Variants in SENP1 observed in about 807,000 individuals in gnomAD.
SENP1 encodes the protein sentrin-specific protease 1.
Under a neutral mutation model 93.0 loss-of-function variants are expected in SENP1, and 21 were observed. The observed-to-expected ratio is 0.23, with a 90% confidence interval of 0.16 to 0.33. The LOEUF is 0.33. Ranked by LOEUF, SENP1 falls within the 10% of genes least tolerant of loss-of-function variation. The pLI is 1.00. For missense variants in SENP1, 591 were observed against 758.7 expected (o/e 0.78, Z 2.60); for synonymous variants, 256 against 259.6 (o/e 0.99, Z 0.13).
intron 13 of SENP1, among the ~76,000 whole-genome samples, chr12:48,054,332 G>C (rs1401376937): frequency 6.6e-6 from 1 of 152,154 alleles, no homozygotes; most frequent in Non-Finnish European, 1.5e-5. Flanking sequence ...AAGCCTTCTT[G>C]ATGAACTGAC....
At position 48,046,301 on chromosome 12, in the gene SENP1, A is replaced by G. The variant is rs758597868; in HGVS notation, c.1872+55T>C. 3.1e-5 allele frequency: 37 copies of G among 1,204,978 alleles called. No homozygotes were observed. The Admixed American group carries it at 3.4e-4, about 11-fold the overall frequency. 74.6% of individuals were successfully genotyped at this position (1,204,978 alleles called of 1,614,324 possible). A position where few individuals can be genotyped will look rare whatever the true frequency, so the allele number is the denominator to read the frequency against. ...AACAACTGGAGAGAAAAACATCTAC[A>G]GGGCAGCTTGGAGACAAAGTAATCC... On this transcript the variant is annotated intron_variant, in intron 17 of 17. Coordinates refer to ENST00000549518, the MANE Select transcript of SENP1 (RefSeq NM_001267594.2).
intron 13 of SENP1, among the ~76,000 whole-genome samples, chr12:48,056,282 T>C (rs28971727): frequency 1.7e-5 from 2 of 117,834 alleles, no homozygotes; most frequent in South Asian, 2.7e-4. Flanking sequence ...TATTATATAT[T>C]ACATATATAA....
chr12:48,058,372 A>G (rs1942730006), intron 13 of SENP1, among the ~76,000 whole-genome samples: 1 of 152,096 alleles, frequency 6.6e-6, no homozygotes, highest in South Asian at 2.1e-4. Flanking sequence ...TAAATCTACC[A>G]TCTTGCTCTT....
chr12:48,078,332 T>TATATATAC (rs1454107759), intron 6 of SENP1, among the ~76,000 whole-genome samples: 3 of 83,862 alleles, frequency 3.6e-5, no homozygotes, highest in African/African-American at 1.2e-4. Context: ...TATATATATA[T>TATATATAC]ATACACACAC....
At chr12:48,087,318 G>C (rs1012885054) in intron 5 of SENP1, among the ~76,000 whole-genome samples, 1 of 152,160 alleles carries the variant, frequency 6.6e-6, no homozygotes, top group Admixed American at 6.5e-5. Flanking sequence ...TGGTGGCAAT[G>C]TGATGTTTTT....
At chr12:48,061,313 T>C (rs1942948363) in intron 13 of SENP1, among the ~76,000 whole-genome samples, 3 of 152,208 alleles carry the variant, frequency 2.0e-5, no homozygotes, top group Admixed American at 2.0e-4. Flanking sequence ...GAAATTATTA[T>C]TAATGAAAAT....
chr12:48,048,127 C>A, intron 14 of SENP1, 47 bp from the exon 15 acceptor site: 1 of 1,327,056 alleles, frequency 7.5e-7, no homozygotes. Context: ...TGAAGAAAAT[C>A]GGTTTATCAG....
intron 9 of SENP1, among the ~76,000 whole-genome samples, chr12:48,070,585 C>A (rs1230360297): frequency 6.6e-6 from 1 of 152,168 alleles, no homozygotes; most frequent in African/African-American, 2.4e-5. Flanking sequence ...GTACCTGGCA[C>A]ACAGTAGGCT....
At chr12:48,097,814 T>C (rs1255883599) in intron 3 of SENP1, 180 bp downstream of exon 3, 1 of 533,610 alleles carries the variant, frequency 1.9e-6, no homozygotes, top group Non-Finnish European at 3.2e-6. Context: ...GCCTATTTTG[T>C]CTTAACGTCC....
At chr12:48,096,496 C>T (rs926868376) in intron 3 of SENP1, 69 bp from the exon 4 acceptor site, 110 of 965,162 alleles carry the variant, frequency 1.1e-4, no homozygotes, top group Non-Finnish European at 1.7e-4. Context: ...ACTCTTGTTG[C>T]CCAGGCTGGA....
chr12:48,063,009 A>G (rs1238668983), intron 13 of SENP1, among the ~76,000 whole-genome samples: 1 of 152,236 alleles, frequency 6.6e-6, no homozygotes, highest in Admixed American at 6.5e-5. Context: ...GAAGGTACTT[A>G]GGAAAAGATA....
intron 3 of SENP1, among the ~76,000 whole-genome samples, chr12:48,096,932 C>T (rs1040937564): frequency 1.3e-5 from 2 of 151,800 alleles, no homozygotes; most frequent in African/African-American, 4.8e-5. Flanking sequence ...ATGGAGAGAC[C>T]CCGTCTCTAA....
chr12:48,075,866 T>C (rs1048303434), intron 6 of SENP1, among the ~76,000 whole-genome samples: 1 of 152,124 alleles, frequency 6.6e-6, no homozygotes, highest in Non-Finnish European at 1.5e-5. Context: ...AAAAGTGATA[T>C]TTCAGCAGAA....
chr12:48,047,219 TAA>T (rs1941436496), intron 15 of SENP1, among the ~76,000 whole-genome samples, 157 bp from the exon 16 acceptor site: 1 of 152,198 alleles, frequency 6.6e-6, no homozygotes, highest in African/African-American at 2.4e-5. Context: ...CCTGGATTGT[TAA>T]GTTTTCTCCA....
At chr12:48,086,048 C>T (rs1944840293) in intron 5 of SENP1, among the ~76,000 whole-genome samples, 1 of 152,116 alleles carries the variant, frequency 6.6e-6, no homozygotes, top group Non-Finnish European at 1.5e-5. Context: ...TAAAGGGCTT[C>T]CACTAGCCAA....
chr12:48,089,383 G>A (rs1479653309), intron 4 of SENP1: 1 of 1,215,026 alleles, frequency 8.2e-7, no homozygotes, highest in African/African-American at 1.6e-5. Flanking sequence ...TGATTACTAA[G>A]CAGCTAGTGT....
intron 13 of SENP1, among the ~76,000 whole-genome samples, chr12:48,052,166 T>G (rs183149774): frequency 1.8e-4 from 28 of 152,306 alleles, no homozygotes; most frequent in African/African-American, 5.8e-4. Flanking sequence ...CCTACAATGT[T>G]TTCAAACTAA....
At chr12:48,099,612 G>C (rs966824159) in intron 2 of SENP1, among the ~76,000 whole-genome samples, 4 of 152,132 alleles carry the variant, frequency 2.6e-5, no homozygotes, top group African/African-American at 4.8e-5. Context: ...TTGAGGCCAG[G>C]AGTTTGAGAC....
intron 2 of SENP1, 44 bp from the exon 3 acceptor site, chr12:48,098,168 A>G (rs1381686783): frequency 2.5e-6 from 4 of 1,580,816 alleles, no homozygotes; most frequent in African/African-American, 1.3e-5. Context: ...TAATTCTTCA[A>G]TAACGTTTTT....
Sources: allele counts gnomAD v4.1 joint callset (sites outside exome capture counted in the v4.1 genomes callset), GRCh38; gene constraint gnomAD v4.1.1; transcripts MANE v1.5; gene names NCBI Gene and HGNC (gene_info 2026-07-23, HGNC 2026-07-21).